PTPRN2: variants seen among roughly 807,000 people sequenced by gnomAD.
The protein encoded by PTPRN2 is receptor-type tyrosine-protein phosphatase N2.
In PTPRN2, 74 loss-of-function variants were observed where a neutral mutation model predicts 118.8. The ratio of observed to expected loss-of-function variants is 0.62; its 90% CI spans 0.52 to 0.76. The LOEUF is 0.76. PTPRN2 is among the 30% of genes least tolerant of loss of function. The pLI is 0.00. For synonymous variants in PTPRN2, 641 were observed against 608.0 expected (o/e 1.05, Z -0.80); for missense variants, 1,481 against 1,394.4 (o/e 1.06, Z -0.99).
At chr7:157,979,743 G>T (rs540736183) in intron 11 of PTPRN2, among the ~76,000 whole-genome samples, 1 of 152,296 alleles carries the variant, frequency 6.6e-6, no homozygotes, top group African/African-American at 2.4e-5. Context: ...CTGAATGCCG[G>T]TCCTTGGAGG....
chr7:158,220,085 G>A (rs763073990), intron 3 of PTPRN2, among the ~76,000 whole-genome samples: 13 of 151,900 alleles, frequency 8.6e-5, no homozygotes, highest in Non-Finnish European at 1.9e-4. Context: ...ATACAGGAAG[G>A]GCTTTCAATA....
chr7:158,331,355 CATAA>C (rs1804399524), intron 2 of PTPRN2, among the ~76,000 whole-genome samples: 1 of 144,582 alleles, frequency 6.9e-6, no homozygotes, highest in African/African-American at 2.7e-5. Flanking sequence ...ATACTCTCAC[CATAA>C]GAGCTGACAC....
intron 11 of PTPRN2, among the ~76,000 whole-genome samples, chr7:157,926,781 C>A (rs1799018686): frequency 6.6e-6 from 1 of 152,196 alleles, no homozygotes; most frequent in Non-Finnish European, 1.5e-5. Context: ...AGATCCTTCA[C>A]CCTGATCTTG....
intron 11 of PTPRN2, among the ~76,000 whole-genome samples, chr7:157,994,102 G>T (rs546605162): frequency 1.3e-5 from 2 of 152,228 alleles, no homozygotes; most frequent in African/African-American, 4.8e-5. Context: ...AAGACCTAAT[G>T]TATCACGTTG....
chr7:158,384,365 G>A (rs1027163174), intron 2 of PTPRN2, among the ~76,000 whole-genome samples: 5 of 152,192 alleles, frequency 3.3e-5, no homozygotes, highest in Admixed American at 2.0e-4. Flanking sequence ...TGGGGACCGC[G>A]GGCTGTAAAC....
Position 158,522,801 on chromosome 7 carries a change from A to G in PTPRN2, c.113-33016T>C, listed in dbSNP as rs148054910. Among the ~76,000 whole-genome samples, 416 of 152,266 alleles carry G rather than the reference A, an allele frequency of 2.7e-3. 3 individuals are homozygous for G. The highest frequency in any genetic ancestry group is 9.5e-3 in the African/African-American group (393 of 41,552). On this transcript the variant is annotated intron_variant, in intron 1 of 22. Coordinates refer to ENST00000389418, the MANE Select transcript of PTPRN2 (RefSeq NM_002847.5). Reference sequence around the variant, plus strand: ...GTGGACATTGGCTTTCCTTGTCTTGAGAGCAGCTCACCATCACGAGTTCTT... The same window carrying G: ...GTGGACATTGGCTTTCCTTGTCTTGGGAGCAGCTCACCATCACGAGTTCTT...
chr7:158,516,897 C>T (rs889844520), intron 1 of PTPRN2, among the ~76,000 whole-genome samples: 4 of 151,846 alleles, frequency 2.6e-5, no homozygotes, highest in African/African-American at 4.8e-5. Flanking sequence ...CCTATTGTTC[C>T]TGGTGCTGTT....
At chr7:157,889,247 A>C in intron 12 of PTPRN2, among the ~76,000 whole-genome samples, 1 of 138,274 alleles carries the variant, frequency 7.2e-6, no homozygotes, top group Non-Finnish European at 1.6e-5. Context: ...ACCCGCCCCC[A>C]TCATTAATCA....
At chr7:158,230,406 T>C (rs1829085252) in intron 3 of PTPRN2, among the ~76,000 whole-genome samples, 1 of 152,174 alleles carries the variant, frequency 6.6e-6, no homozygotes, top group Non-Finnish European at 1.5e-5. Flanking sequence ...AACCGTAGAA[T>C]GAAGCCCAAA....
At chr7:157,776,870 C>T (rs1339438282) in intron 12 of PTPRN2, among the ~76,000 whole-genome samples, 2 of 139,996 alleles carry the variant, frequency 1.4e-5, no homozygotes, top group Admixed American at 7.0e-5. Flanking sequence ...CCCTCTCCTC[C>T]TCCTCCCTCT....
chr7:158,364,434 C>T (rs2151299721), intron 2 of PTPRN2, among the ~76,000 whole-genome samples: 1 of 152,228 alleles, frequency 6.6e-6, no homozygotes, highest in East Asian at 1.9e-4. Context: ...ATGCAGAGCC[C>T]CCATCCTCAC....
rs1825013379 is a variant in PTPRN2, at chr7:158,529,024, C to A, written c.113-39239G>T. The stretch of plus-strand genomic sequence containing the variant: ...AAGTCAGCCTGGCCTTCGAGCCCAC[C>A]AAGGGGCTTTGGGATCACACAGCCA... On this transcript the variant is annotated intron_variant, in intron 1 of 22. Coordinates refer to ENST00000389418, the MANE Select transcript of PTPRN2 (RefSeq NM_002847.5). This position sits in a 1 kb window ranked among gnomAD's most constrained non-coding sequence, Gnocchi z 4.7. 6.6e-6 allele frequency among the ~76,000 whole-genome samples: 1 copy of A among 151,804 alleles called. No individual in the cohort carries two copies. The highest frequency in any genetic ancestry group is 2.1e-4 in the South Asian group (1 of 4,834).
At chr7:157,634,488 C>T (rs1804177470) in intron 14 of PTPRN2, among the ~76,000 whole-genome samples, 1 of 152,190 alleles carries the variant, frequency 6.6e-6, no homozygotes. Flanking sequence ...GAATCACTAA[C>T]CTAACCTGGG....
intron 10 of PTPRN2, among the ~76,000 whole-genome samples, chr7:158,084,731 CCCA>C (rs1813129963): frequency 6.9e-6 from 1 of 144,336 alleles, no homozygotes; most frequent in Admixed American, 6.9e-5. Flanking sequence ...CTCATCCACA[CCCA>C]CGATGCCCAT....
chr7:158,233,290 A>ATTTT (rs1829287442), intron 3 of PTPRN2, among the ~76,000 whole-genome samples: 1 of 152,216 alleles, frequency 6.6e-6, no homozygotes, highest in Non-Finnish European at 1.5e-5. Flanking sequence ...AACAATCTAA[A>ATTTT]AAACAATAAA....
chr7:158,273,616 AGCCGCAGGCAT>A (rs1798694848), intron 3 of PTPRN2, among the ~76,000 whole-genome samples: 1 of 81,934 alleles, frequency 1.2e-5, no homozygotes, highest in Admixed American at 1.4e-4. Flanking sequence ...AGACACGGGG[AGCCGCAGGCAT>A]GGGGGAGCCG....
chr7:158,012,390 C>T (rs1806114822), intron 11 of PTPRN2, among the ~76,000 whole-genome samples: 1 of 152,126 alleles, frequency 6.6e-6, no homozygotes, highest in East Asian at 1.9e-4. Flanking sequence ...AAGAAAAAAT[C>T]CATAGTGTTT....
chr7:158,110,611 G>A (rs142909437), intron 10 of PTPRN2, among the ~76,000 whole-genome samples: 97 of 152,286 alleles, frequency 6.4e-4, no homozygotes, highest in South Asian at 5.6e-3. Flanking sequence ...TGGCTGCAGC[G>A]ACACTGTCCT....
intron 11 of PTPRN2, among the ~76,000 whole-genome samples, chr7:157,933,324 T>C (rs113946432): frequency 9.6e-4 from 96 of 99,994 alleles, no homozygotes; most frequent in Middle Eastern, 8.3e-3. Flanking sequence ...GGGTGAGTCA[T>C]TCTGATTGAC....
Sources: allele counts gnomAD v4.1 joint callset (sites outside exome capture counted in the v4.1 genomes callset), GRCh38; gene constraint gnomAD v4.1.1; non-coding constraint Gnocchi (gnomAD v3.1); transcripts MANE v1.5; gene names NCBI Gene and HGNC (gene_info 2026-07-23, HGNC 2026-07-21).